Variants in EEF2KMT observed in about 807,000 individuals in gnomAD.
EEF2KMT encodes the protein protein-lysine N-methyltransferase EEF2KMT.
A neutral mutation model predicts 35.1 loss-of-function variants in EEF2KMT; 30 were observed. The observed-to-expected ratio is 0.85, with a 90% CI of 0.64 to 1.16. EEF2KMT has a LOEUF of 1.16. EEF2KMT is among the 50% of genes most tolerant of loss of function. The pLI, the probability that EEF2KMT is intolerant of heterozygous loss-of-function variation, is 0.00. For synonymous variants in EEF2KMT, 190 were observed against 187.7 expected (o/e 1.01, Z -0.10); for missense variants, 499 against 438.2 (o/e 1.14, Z -1.24).
At position 5,097,779 on chromosome 16, in the gene EEF2KMT, G is replaced by A; in HGVS notation, c.-40C>T. On this transcript the variant is annotated 5_prime_UTR_variant, in exon 1 of 8. Coordinates refer to ENST00000427587, the MANE Select transcript of EEF2KMT (RefSeq NM_201400.4). The stretch of plus-strand genomic sequence containing the variant: ...CGCAGCGTTGCCGGCAGACCGGGCG[G>A]AAGCCCGGCCTGGACTGAAGAGGGG... 3 of 1,534,670 alleles carry A rather than the reference G, an allele frequency of 2.0e-6. No individual in the cohort carries two copies. The highest frequency in any genetic ancestry group is 2.6e-6 in the Non-Finnish European group (3 of 1,146,290).
intron 1 of EEF2KMT, chr16:5,097,364 T>C: frequency 6.8e-7 from 1 of 1,467,890 alleles, no homozygotes; most frequent in Non-Finnish European, 9.0e-7. Flanking sequence ...CTTTAAAAAG[T>C]CGTGAAAATG....
chr16:5,094,023 C>G (rs1469503341), intron 2 of EEF2KMT, among the ~76,000 whole-genome samples: 1 of 152,196 alleles, frequency 6.6e-6, no homozygotes, highest in Admixed American at 6.5e-5. Context: ...AAGCCAAATG[C>G]AGGATGAGCA....
At position 5,090,585 on chromosome 16, in the gene EEF2KMT, G is replaced by C; in HGVS notation, c.343-20C>G. 1.2e-6 allele frequency: 2 copies of C among 1,611,962 alleles called. No homozygotes were observed. Among genetic ancestry groups the C allele is most frequent in the African/African-American group, 1.3e-5 (1 of 74,982 alleles). ...CGAGGGCTGCACCAAGAGAAGGCGA[G>C]AGAGTCAGTCCAGCGATCAGAAGGC... On this transcript the variant is annotated intron_variant, in intron 4 of 7. Coordinates refer to ENST00000427587, the MANE Select transcript of EEF2KMT (RefSeq NM_201400.4). This position sits in a 1 kb window ranked among gnomAD's most constrained non-coding sequence, Gnocchi z 4.1.
At chr16:5,094,757 G>T (rs1462166335) in intron 2 of EEF2KMT, among the ~76,000 whole-genome samples, 1 of 124,218 alleles carries the variant, frequency 8.1e-6, no homozygotes, top group Non-Finnish European at 1.6e-5. Context: ...TTCACCTCTA[G>T]CACAGGAATT....
chr16:5,085,625 G>A lies in EEF2KMT; in HGVS notation c.*7C>T. On this transcript the variant is annotated 3_prime_UTR_variant, in exon 8 of 8. Transcript: ENST00000427587. ...TCTCACAATCCCGTTGGAGTCGTGT[G>A]TGAGTCCTACAGGGTGAGATTCAGC... 1 of 1,581,666 alleles carries A rather than the reference G, an allele frequency of 6.3e-7. No individual in the cohort carries two copies. Among genetic ancestry groups the A allele is most frequent in the Non-Finnish European group, 8.7e-7 (1 of 1,152,238 alleles).
Position 5,084,385 on chromosome 16 carries a change from C to G in EEF2KMT, c.*1247G>C, listed in dbSNP as rs1253681974. Reference sequence around the variant, plus strand: ...AGGCTGTAGTTTGTGATCCTTGATTCAGACAGTTTAGCAAGGCTGCAAAGA... The same window carrying G: ...AGGCTGTAGTTTGTGATCCTTGATTGAGACAGTTTAGCAAGGCTGCAAAGA... On this transcript the variant is annotated 3_prime_UTR_variant, in exon 8 of 8. Transcript: ENST00000427587. The G allele has an allele frequency of 4.6e-6, 2 of 433,490 alleles. No individual in the cohort carries two copies. Among genetic ancestry groups the G allele is most frequent in the South Asian group, 2.2e-5 (1 of 44,856 alleles). 26.9% of individuals were successfully genotyped at this position (433,490 alleles called of 1,614,324 possible). A position where few individuals can be genotyped will look rare whatever the true frequency, so the allele number is the denominator to read the frequency against.
At chr16:5,086,349 A>C (rs1957168037) in intron 7 of EEF2KMT, among the ~76,000 whole-genome samples, 1 of 131,282 alleles carries the variant, frequency 7.6e-6, no homozygotes, top group Non-Finnish European at 1.7e-5. Context: ...AAAAAAAAAA[A>C]AAACCACACG....
intron 3 of EEF2KMT, among the ~76,000 whole-genome samples, chr16:5,092,377 T>C (rs934008282): frequency 1.4e-4 from 21 of 152,204 alleles, no homozygotes; most frequent in Non-Finnish European, 2.5e-4. Context: ...TGCTGCAGGC[T>C]GTGGCTGTCA....
chr16:5,088,990 G>T, intron 7 of EEF2KMT, 117 bp downstream of exon 7: 4 of 1,590,814 alleles, frequency 2.5e-6, no homozygotes, highest in Non-Finnish European at 3.4e-6. Flanking sequence ...TTCCCCCCAT[G>T]GTGTGGGAGT....
At chr16:5,096,498 C>T (rs1284498908) in intron 1 of EEF2KMT, among the ~76,000 whole-genome samples, 1 of 152,166 alleles carries the variant, frequency 6.6e-6, no homozygotes, top group Non-Finnish European at 1.5e-5. Context: ...TTACCATGAG[C>T]CAGGCACTGA....
At chr16:5,089,985 C>T (rs530610560) in intron 6 of EEF2KMT, 99 bp downstream of exon 6, 4 of 1,538,390 alleles carry the variant, frequency 2.6e-6, no homozygotes, top group Non-Finnish European at 2.6e-6. Flanking sequence ...CCATCATGTC[C>T]ATGCCCGACA....
At chr16:5,091,726 C>T (rs1054763620) in intron 4 of EEF2KMT, 68 bp downstream of exon 4, 7 of 1,600,098 alleles carry the variant, frequency 4.4e-6, no homozygotes, top group African/African-American at 2.7e-5. Flanking sequence ...CCCACACCCA[C>T]GTTTTCACTT....
At chr16:5,095,537 A>G (rs1957440220) in intron 1 of EEF2KMT, 23 bp from the exon 2 acceptor site, 5 of 1,611,116 alleles carry the variant, frequency 3.1e-6, no homozygotes, top group Non-Finnish European at 3.4e-6. Context: ...GAAAGAGAGA[A>G]ATCTCAAGGG....
At chr16:5,097,315 C>A (rs1371587346) in intron 1 of EEF2KMT, 2 of 1,369,982 alleles carry the variant, frequency 1.5e-6, no homozygotes, top group African/African-American at 1.5e-5. Flanking sequence ...TTAGAATGGG[C>A]GAGGGCAGCT....
chr16:5,095,601 T>G, intron 1 of EEF2KMT, 87 bp from the exon 2 acceptor site: 2 of 1,594,468 alleles, frequency 1.3e-6, no homozygotes, highest in Admixed American at 3.4e-5. Context: ...AAGCGCTGTG[T>G]GATCCCTCCC....
intron 4 of EEF2KMT, among the ~76,000 whole-genome samples, chr16:5,091,105 G>C (rs1957332513): frequency 6.6e-6 from 1 of 151,744 alleles, no homozygotes; most frequent in Non-Finnish European, 1.5e-5. Context: ...TTTTGAGACA[G>C]AGATTTGCTC....
rs754718123 is a variant in EEF2KMT, at chr16:5,090,370, C to G, written c.477-21G>C. ...CAGTCCTGGCGGGAGGAAAGGGGAC[C>G]GTGTCTGCGACTGCACCAGGGTAAG... On this transcript the variant is annotated intron_variant, in intron 5 of 7. Coordinates refer to ENST00000427587, the MANE Select transcript of EEF2KMT (RefSeq NM_201400.4). This position sits in a 1 kb window ranked among gnomAD's most constrained non-coding sequence, Gnocchi z 4.1. 3.1e-6 allele frequency: 5 copies of G among 1,611,920 alleles called. No homozygotes were observed. The highest frequency in any genetic ancestry group is 4.2e-6 in the Non-Finnish European group (5 of 1,179,860).
intron 2 of EEF2KMT, among the ~76,000 whole-genome samples, chr16:5,094,030 A>C (rs531043724): frequency 6.6e-6 from 1 of 152,226 alleles, no homozygotes; most frequent in Admixed American, 6.5e-5. Flanking sequence ...ATGCAGGATG[A>C]GCAAGTTCTA....
chr16:5,085,630 T>C lies in EEF2KMT; in HGVS notation c.*2A>G. Reference sequence around the variant, plus strand: ...CAATCCCGTTGGAGTCGTGTGTGAGTCCTACAGGGTGAGATTCAGCATTGC... The same window carrying C: ...CAATCCCGTTGGAGTCGTGTGTGAGCCCTACAGGGTGAGATTCAGCATTGC... On this transcript the variant is annotated 3_prime_UTR_variant, in exon 8 of 8. Coordinates refer to ENST00000427587, the MANE Select transcript of EEF2KMT (RefSeq NM_201400.4). 1 of 1,597,112 alleles carries C rather than the reference T, an allele frequency of 6.3e-7. No individual in the cohort carries two copies. The highest frequency in any genetic ancestry group is 1.1e-5 in the South Asian group (1 of 90,698).
Sources: gnomAD v4.1 joint callset for allele counts (sites outside exome capture counted in the v4.1 genomes callset) on GRCh38, gnomAD v4.1.1 for gene constraint, Gnocchi (gnomAD v3.1) non-coding constraint, MANE v1.5 for transcripts, NCBI Gene and HGNC (gene_info 2026-07-23, HGNC 2026-07-21) for gene names.